The following PLCB1 variants were observed in gnomAD, a reference collection of about 807,000 sequenced individuals.
PLCB1 encodes 1-phosphatidylinositol 4,5-bisphosphate phosphodiesterase beta-1.
A neutral mutation model predicts 161.8 loss-of-function variants in PLCB1; 46 were observed. The observed-to-expected ratio is 0.28, with a 90% CI of 0.22 to 0.36. The LOEUF is 0.36. PLCB1 is among the 10% of genes least tolerant of loss of function. PLCB1 has a pLI of 1.00. For synonymous variants in PLCB1, 517 were observed against 503.7 expected (o/e 1.03, Z -0.35); for missense variants, 1,016 against 1,472.5 (o/e 0.69, Z 5.07).
At chr20:8,507,661 A>G (rs948142866) in intron 3 of PLCB1, among the ~76,000 whole-genome samples, 4 of 152,164 alleles carry the variant, frequency 2.6e-5, no homozygotes, top group East Asian at 3.9e-4. Flanking sequence ...AAAATTTACA[A>G]CAAGGAAGTG....
chr20:8,258,097 C>T (rs1024418675), intron 2 of PLCB1, among the ~76,000 whole-genome samples: 2 of 152,070 alleles, frequency 1.3e-5, no homozygotes, highest in African/African-American at 4.8e-5. Flanking sequence ...TTTCTAAATA[C>T]AGAAATTTCT....
intron 3 of PLCB1, among the ~76,000 whole-genome samples, chr20:8,480,976 T>C (rs999721617): frequency 1.3e-5 from 2 of 152,032 alleles, no homozygotes; most frequent in African/African-American, 4.8e-5. Context: ...TGGTGGTGCG[T>C]ACCTGTAGTC....
chr20:8,166,329 G>A (rs990513289), intron 2 of PLCB1, among the ~76,000 whole-genome samples: 1 of 152,114 alleles, frequency 6.6e-6, no homozygotes, highest in Non-Finnish European at 1.5e-5. Flanking sequence ...GAGCTCTGTG[G>A]TGCTTGATTA....
At chr20:8,445,653 A>G (rs1420442885) in intron 3 of PLCB1, among the ~76,000 whole-genome samples, 2 of 152,252 alleles carry the variant, frequency 1.3e-5, no homozygotes, top group Admixed American at 6.5e-5. Flanking sequence ...GGCCATTTTC[A>G]TGGTATTGAT....
intron 2 of PLCB1, among the ~76,000 whole-genome samples, chr20:8,218,371 A>G (rs1979237990): frequency 6.6e-6 from 1 of 152,136 alleles, no homozygotes; most frequent in East Asian, 1.9e-4. Flanking sequence ...CAGTTTTCAT[A>G]TAACAAACTT....
intron 14 of PLCB1, among the ~76,000 whole-genome samples, chr20:8,719,800 A>G (rs971153650): frequency 6.6e-6 from 1 of 152,162 alleles, no homozygotes; most frequent in Non-Finnish European, 1.5e-5. Context: ...TACGCCTGTT[A>G]TACATCAGTT....
intron 11 of PLCB1, among the ~76,000 whole-genome samples, chr20:8,700,947 T>A (rs1257092075): frequency 1.3e-5 from 2 of 152,216 alleles, no homozygotes; most frequent in Non-Finnish European, 2.9e-5. Flanking sequence ...GTAGCAAGGA[T>A]GCTTTGCATC....
intron 3 of PLCB1, among the ~76,000 whole-genome samples, chr20:8,373,130 C>G (rs148570264): frequency 2.0e-5 from 3 of 152,204 alleles, no homozygotes; most frequent in Admixed American, 2.0e-4. Flanking sequence ...AAATGCTTCT[C>G]GTGAGGATGG....
intron 2 of PLCB1, among the ~76,000 whole-genome samples, chr20:8,335,167 A>G (rs1384925477): frequency 6.6e-6 from 1 of 152,222 alleles, no homozygotes; most frequent in African/African-American, 2.4e-5. Flanking sequence ...ATATTTTTAT[A>G]CCAGTGCTTG....
chr20:8,342,383 A>C (rs1460423677), intron 2 of PLCB1, among the ~76,000 whole-genome samples: 1 of 152,238 alleles, frequency 6.6e-6, no homozygotes, highest in Non-Finnish European at 1.5e-5. Flanking sequence ...AAGCAAAATA[A>C]GGAAGATGCA....
At chr20:8,238,165 T>C (rs1256329292) in intron 2 of PLCB1, among the ~76,000 whole-genome samples, 1 of 151,946 alleles carries the variant, frequency 6.6e-6, no homozygotes, top group Non-Finnish European at 1.5e-5. Context: ...GAAGGAGAAG[T>C]GGCTTGGAGG....
chr20:8,486,698 T>C (rs1480554384), intron 3 of PLCB1, among the ~76,000 whole-genome samples: 1 of 151,252 alleles, frequency 6.6e-6, no homozygotes, highest in Non-Finnish European at 1.5e-5. Flanking sequence ...GGTTTCACCT[T>C]GTTAGCCAGG....
At chr20:8,770,935 T>A (rs1982645071) in intron 26 of PLCB1, among the ~76,000 whole-genome samples, 1 of 152,228 alleles carries the variant, frequency 6.6e-6, no homozygotes, top group African/African-American at 2.4e-5. Flanking sequence ...TGTATTTACT[T>A]GTAAGTCATA....
At chr20:8,459,108 T>A (rs2122678688) in intron 3 of PLCB1, among the ~76,000 whole-genome samples, 1 of 152,330 alleles carries the variant, frequency 6.6e-6, no homozygotes, top group Non-Finnish European at 1.5e-5. Context: ...CTTATTCATA[T>A]CCATTTTTGT....
chr20:8,547,452 T>C (rs1421977730), intron 3 of PLCB1, among the ~76,000 whole-genome samples: 1 of 152,060 alleles, frequency 6.6e-6, no homozygotes, highest in Non-Finnish European at 1.5e-5. Context: ...AAGCATCACC[T>C]CCTTAGTCTA....
At chr20:8,511,820 A>C (rs1472292139) in intron 3 of PLCB1, among the ~76,000 whole-genome samples, 1 of 152,168 alleles carries the variant, frequency 6.6e-6, no homozygotes, top group Non-Finnish European at 1.5e-5. Flanking sequence ...TTGTATATCT[A>C]CTTTCAAGAA....
intron 2 of PLCB1, among the ~76,000 whole-genome samples, chr20:8,213,203 C>T (rs1003747475): frequency 6.6e-6 from 1 of 152,094 alleles, no homozygotes; most frequent in African/African-American, 2.4e-5. Flanking sequence ...TTCATAGTTG[C>T]TTTTGTGAAG....
intron 2 of PLCB1, among the ~76,000 whole-genome samples, chr20:8,270,689 T>G (rs1982240395): frequency 6.6e-6 from 1 of 152,188 alleles, no homozygotes; most frequent in Non-Finnish European, 1.5e-5. Flanking sequence ...ATGAAGATCT[T>G]AAGTTTTCAT....
At chr20:8,466,151 A>G (rs1345011401) in intron 3 of PLCB1, among the ~76,000 whole-genome samples, 3 of 151,752 alleles carry the variant, frequency 2.0e-5, no homozygotes, top group Non-Finnish European at 4.4e-5. Context: ...GCCATAAAAA[A>G]TGATGAGTTC....
Sources: allele counts gnomAD v4.1 joint callset (sites outside exome capture counted in the v4.1 genomes callset), GRCh38; gene constraint gnomAD v4.1.1; transcripts MANE v1.5; gene names NCBI Gene and HGNC (gene_info 2026-07-23, HGNC 2026-07-21).